Variants in PSD3 observed in about 807,000 individuals in gnomAD.
The protein encoded by PSD3 is PH and SEC7 domain-containing protein 3.
Under a neutral mutation model 105.5 loss-of-function variants are expected in PSD3, and 49 were observed. The observed-to-expected ratio is 0.46, with a 90% confidence interval of 0.37 to 0.59. PSD3 has a LOEUF of 0.59. PSD3 is among the 20% of genes least tolerant of loss of function. PSD3 has a pLI of 0.00. For missense variants in PSD3, 1,561 were observed against 1,263.8 expected, an observed-to-expected ratio of 1.24 and a Z score of -3.57; for synonymous variants, 557 against 457.8, an observed-to-expected ratio of 1.22 and a Z score of -2.77.
At chr8:19,053,275 G>A (rs1341021503) in intron 1 of PSD3, among the ~76,000 whole-genome samples, 1 of 151,938 alleles carries the variant, frequency 6.6e-6, no homozygotes, top group East Asian at 1.9e-4. Context: ...GGTGGCTCTG[G>A]AACAAGTGCT....
intron 9 of PSD3, among the ~76,000 whole-genome samples, chr8:18,691,828 A>C (rs905000827): frequency 6.6e-6 from 1 of 152,154 alleles, no homozygotes; most frequent in African/African-American, 2.4e-5. Context: ...TCAAAGACAA[A>C]TTATTCTCTA....
chr8:19,011,194 C>T (rs1353247538), intron 1 of PSD3, among the ~76,000 whole-genome samples: 2 of 152,302 alleles, frequency 1.3e-5, no homozygotes, highest in East Asian at 3.9e-4. Context: ...ACAAACCAGT[C>T]TTTAAGCCAA....
At chr8:18,542,497 T>C (rs971520107) in intron 15 of PSD3, among the ~76,000 whole-genome samples, 13 of 152,232 alleles carry the variant, frequency 8.5e-5, no homozygotes, top group African/African-American at 3.1e-4. Flanking sequence ...TTTGATAATT[T>C]TTTATAGCCA....
At chr8:18,912,392 C>T (rs184858280) in intron 2 of PSD3, among the ~76,000 whole-genome samples, 2 of 152,268 alleles carry the variant, frequency 1.3e-5, no homozygotes, top group East Asian at 3.9e-4. Flanking sequence ...CACCAGGGGG[C>T]AGTGTTGTCT....
At chr8:18,855,505 A>G (rs75629597) in intron 4 of PSD3, among the ~76,000 whole-genome samples, 418 of 152,342 alleles carry the variant, frequency 2.7e-3, no homozygotes, top group African/African-American at 9.6e-3. Flanking sequence ...GGCTGAGTCA[A>G]TAAGAATGAA....
intron 12 of PSD3, among the ~76,000 whole-genome samples, chr8:18,579,720 A>G (rs1353431935): frequency 1.3e-5 from 2 of 152,214 alleles, no homozygotes; most frequent in East Asian, 3.8e-4. Flanking sequence ...TCAAGTCTGA[A>G]AAATTGTACT....
chr8:18,987,186 T>C (rs1442480777), intron 1 of PSD3, among the ~76,000 whole-genome samples: 2 of 152,176 alleles, frequency 1.3e-5, no homozygotes, highest in Non-Finnish European at 2.9e-5. Context: ...TTATTTATTA[T>C]GTTTTAGAAG....
intron 2 of PSD3, among the ~76,000 whole-genome samples, chr8:18,874,660 A>C (rs1231122066): frequency 7.0e-6 from 1 of 142,808 alleles, no homozygotes; most frequent in Non-Finnish European, 1.5e-5. Context: ...CCGAGATTGC[A>C]CCATTGTAGT....
chr8:18,678,876 T>C (rs1490158567), intron 9 of PSD3, among the ~76,000 whole-genome samples: 1 of 152,228 alleles, frequency 6.6e-6, no homozygotes, highest in Non-Finnish European at 1.5e-5. Flanking sequence ...TGTGGTTTGG[T>C]ACAACCCTAA....
chr8:18,914,963 A>G (rs1336583329), intron 2 of PSD3, among the ~76,000 whole-genome samples: 9 of 152,348 alleles, frequency 5.9e-5, no homozygotes, highest in South Asian at 2.1e-4. Flanking sequence ...CTACGAAACT[A>G]TGGTAACCAA....
chr8:19,007,186 A>G (rs1486437703), intron 1 of PSD3, among the ~76,000 whole-genome samples: 2 of 151,970 alleles, frequency 1.3e-5, no homozygotes, highest in Admixed American at 1.3e-4. Flanking sequence ...CCCGAGGCAG[A>G]GGTTGCAGTG....
intron 1 of PSD3, among the ~76,000 whole-genome samples, chr8:18,975,820 C>A (rs80261449): frequency 6.6e-6 from 1 of 151,816 alleles, no homozygotes; most frequent in East Asian, 1.9e-4. Flanking sequence ...AATGCTAACT[C>A]ATAAAAAAAA....
intron 4 of PSD3, among the ~76,000 whole-genome samples, chr8:18,822,213 CTT>C (rs942547837): frequency 6.6e-6 from 1 of 152,108 alleles, no homozygotes; most frequent in Non-Finnish European, 1.5e-5. Flanking sequence ...TACACAGAAA[CTT>C]TGGTTGAGAA....
chr8:18,704,903 T>G (rs1325036991), intron 9 of PSD3, among the ~76,000 whole-genome samples: 2 of 151,986 alleles, frequency 1.3e-5, no homozygotes, highest in Non-Finnish European at 2.9e-5. Context: ...AAGAAAAAGA[T>G]GAATATCTCA....
Position 19,013,549 on chromosome 8 carries a change from GC to G in PSD3, c.21+13del, listed in dbSNP as rs753329218. 7.6e-6 allele frequency: 12 copies of G among 1,568,688 alleles called. No individual in the cohort carries two copies. Among genetic ancestry groups the G allele is most frequent in the African/African-American group, 1.4e-5 (1 of 71,892 alleles). On this transcript the variant is annotated intron_variant, in intron 1 of 15. Transcript: ENST00000327040. ...GTGCGCACCCCGCGCCCGCGCCCCG[GC>G]CCCGGAGCTCACCGCTGCGCTCCTT...
intron 2 of PSD3, among the ~76,000 whole-genome samples, chr8:18,873,594 T>C (rs1044954434): frequency 6.6e-6 from 1 of 152,210 alleles, no homozygotes; most frequent in South Asian, 2.1e-4. Flanking sequence ...ATTTAAAATC[T>C]ACTTACTCTT....
At chr8:18,570,709 A>G (rs932579354) in intron 14 of PSD3, among the ~76,000 whole-genome samples, 2 of 151,472 alleles carry the variant, frequency 1.3e-5, no homozygotes, top group Admixed American at 6.6e-5. Context: ...GCAGCCAAAA[A>G]ACACATGAAA....
chr8:19,040,063 A>G (rs1828069491), intron 1 of PSD3, among the ~76,000 whole-genome samples: 1 of 152,220 alleles, frequency 6.6e-6, no homozygotes. Context: ...TGCACCACAC[A>G]AACATGAACG....
chr8:18,979,861 A>T (rs1454647945), intron 1 of PSD3: 2 of 152,256 alleles, frequency 1.3e-5, no homozygotes, highest in African/African-American at 4.8e-5. Flanking sequence ...TTTATTGCAG[A>T]AAGTGGTTTT....
Sources: allele counts gnomAD v4.1 joint callset (sites outside exome capture counted in the v4.1 genomes callset), GRCh38; gene constraint gnomAD v4.1.1; transcripts MANE v1.5; gene names NCBI Gene and HGNC (gene_info 2026-07-23, HGNC 2026-07-21).